The following ARHGEF28 variants were observed in gnomAD, a reference collection of about 807,000 sequenced individuals.
ARHGEF28 encodes Rho guanine nucleotide exchange factor 28.
ARHGEF28 carries 152 observed loss-of-function variants against 206.6 expected under a neutral mutation model. The observed-to-expected ratio is 0.74, with a 90% CI of 0.64 to 0.84. The LOEUF (loss-of-function observed/expected upper bound fraction) is 0.84. Among genes scored for constraint, ARHGEF28 ranks in the 40% least tolerant of loss-of-function variants. The pLI is 0.00. For synonymous variants in ARHGEF28, 763 were observed against 776.4 expected (o/e 0.98, Z 0.29); for missense variants, 2,028 against 2,073.2 (o/e 0.98, Z 0.42).
At chr5:73,728,504 T>C (rs762050061) in intron 2 of ARHGEF28, among the ~76,000 whole-genome samples, 2 of 152,214 alleles carry the variant, frequency 1.3e-5, no homozygotes, top group Non-Finnish European at 2.9e-5. Context: ...TAGAGAATAG[T>C]ACAGCAAGTA....
chr5:73,774,687 G>A (rs1269768332), intron 5 of ARHGEF28, among the ~76,000 whole-genome samples: 1 of 152,158 alleles, frequency 6.6e-6, no homozygotes, highest in African/African-American at 2.4e-5. Context: ...AGTGAATAAT[G>A]AGTGTATTGT....
At chr5:73,723,650 C>A (rs1750099204) in intron 2 of ARHGEF28, among the ~76,000 whole-genome samples, 1 of 152,156 alleles carries the variant, frequency 6.6e-6, no homozygotes, top group African/African-American at 2.4e-5. Flanking sequence ...AAAACCAGTT[C>A]CCCCATTAAG....
chr5:73,895,042 G>A (rs1472191777), intron 29 of ARHGEF28, among the ~76,000 whole-genome samples: 2 of 152,170 alleles, frequency 1.3e-5, no homozygotes, highest in Non-Finnish European at 2.9e-5. Flanking sequence ...AGCAGTGCAG[G>A]CGATGAGTCC....
chr5:73,686,783 C>G (rs1381087088), intron 2 of ARHGEF28, among the ~76,000 whole-genome samples: 1 of 151,952 alleles, frequency 6.6e-6, no homozygotes, highest in Admixed American at 6.6e-5. Flanking sequence ...CGGCCTCCCA[C>G]AGTGCTGGGA....
chr5:73,703,734 G>T (rs935494979), intron 2 of ARHGEF28, among the ~76,000 whole-genome samples: 5 of 151,432 alleles, frequency 3.3e-5, no homozygotes, highest in Non-Finnish European at 7.4e-5. Flanking sequence ...ACAAGTCTTG[G>T]TTGGTATAGA....
At chr5:73,703,647 TTGTG>T (rs56160198) in intron 2 of ARHGEF28, among the ~76,000 whole-genome samples, 8 of 139,594 alleles carry the variant, frequency 5.7e-5, no homozygotes, top group Admixed American at 1.4e-4. Context: ...TTTCCCAGCA[TTGTG>T]TGTGTGTGTG....
intron 9 of ARHGEF28, among the ~76,000 whole-genome samples, chr5:73,816,127 C>T (rs540368044): frequency 1.3e-5 from 2 of 152,050 alleles, no homozygotes; most frequent in East Asian, 1.9e-4. Flanking sequence ...TGGGGGGTGC[C>T]AGGCACTGTT....
rs1174282476 is a variant in ARHGEF28 at position 73,765,724 on chromosome 5, C to G, written c.476-8131C>G. The stretch of plus-strand genomic sequence containing the variant: ...CCTGGCAGATAATAATGGTCTCATT[C>G]AATGTTTGTCTACTGAATGACTTAG... On this transcript the variant is annotated intron_variant, in intron 4 of 35. Coordinates refer to ENST00000513042, the MANE Select transcript of ARHGEF28 (RefSeq NM_001177693.2). Among the ~76,000 whole-genome samples, 3 of 152,156 alleles carry G rather than the reference C, an allele frequency of 2.0e-5. No individual in the cohort carries two copies. The East Asian group carries it at 5.8e-4, about 29-fold the overall frequency.
intron 11 of ARHGEF28, among the ~76,000 whole-genome samples, chr5:73,843,034 C>G (rs1295776166): frequency 1.3e-5 from 2 of 150,266 alleles, no homozygotes; most frequent in Non-Finnish European, 3.0e-5. Flanking sequence ...GCCCCCAGAT[C>G]TCAAGAGATA....
intron 4 of ARHGEF28, among the ~76,000 whole-genome samples, chr5:73,767,382 C>T (rs1187581725): frequency 6.6e-6 from 1 of 152,128 alleles, no homozygotes; most frequent in Non-Finnish European, 1.5e-5. Context: ...AAGTTTGGAA[C>T]TTCCTAGAGA....
intron 35 of ARHGEF28, among the ~76,000 whole-genome samples, chr5:73,914,595 C>T (rs2111935808): frequency 6.6e-6 from 1 of 152,074 alleles, no homozygotes; most frequent in African/African-American, 2.4e-5. Flanking sequence ...CGGAGTTTCG[C>T]CAAGTTGTCC....
intron 1 of ARHGEF28, among the ~76,000 whole-genome samples, chr5:73,666,637 G>A (rs572059940): frequency 2.6e-5 from 4 of 152,302 alleles, no homozygotes; most frequent in African/African-American, 7.2e-5. Flanking sequence ...GTAGAATGAT[G>A]AGGTTCATAA....
rs539445051 is a variant in ARHGEF28, at chr5:73,679,444, G to A, written c.-11-5397G>A. On this transcript the variant is annotated intron_variant, in intron 1 of 35. Transcript: ENST00000513042. ...TAGCTGGGTGTGGTGACACACACCTGTAATCCCAGCCATTTGGGAGGCTGA... is the reference window on the plus strand; with the variant it reads ...TAGCTGGGTGTGGTGACACACACCTATAATCCCAGCCATTTGGGAGGCTGA... Among the ~76,000 whole-genome samples, 11 of 152,040 alleles carry A rather than the reference G, an allele frequency of 7.2e-5. No homozygotes were observed. The Middle Eastern group carries it at 0.01, about 141-fold the overall frequency.
intron 9 of ARHGEF28, among the ~76,000 whole-genome samples, chr5:73,814,560 A>G (rs1433846087): frequency 6.6e-6 from 1 of 152,088 alleles, no homozygotes; most frequent in East Asian, 1.9e-4. Context: ...TGTCTTGTGC[A>G]GGGACGCGTG....
At chr5:73,666,040 G>A (rs992566887) in intron 1 of ARHGEF28, among the ~76,000 whole-genome samples, 1 of 152,140 alleles carries the variant, frequency 6.6e-6, no homozygotes, top group African/African-American at 2.4e-5. Flanking sequence ...GTTCCTTCCA[G>A]TTGTGAGCAT....
rs1306390660 is a variant in ARHGEF28, at chr5:73,753,198, T to A, written c.471T>A (p.Leu157=). 3 of 1,519,228 alleles carry A rather than the reference T, an allele frequency of 2.0e-6. No individual in the cohort carries two copies. The allele number at this position is 1,519,228 out of a possible 1,614,324, so 94.1% of individuals were successfully genotyped here. The change falls in exon 4 of 36, where the codon CTT becomes CTA. Residue 157 remains leucine (L), a synonymous_variant. Coordinates refer to ENST00000513042, the MANE Select transcript of ARHGEF28 (RefSeq NM_001177693.2). ...GGACTGTGTTGGGAAGTTCTTCACT[T>A]GAAGGTGGGTCATCACCAGAAAATT... ...LEWTVLGSSS[L]EVSSHRESLL... is the part of the protein sequence containing the mutation.
In ARHGEF28 at chr5:73,776,546, C is replaced by T. The variant is rs375392755; in HGVS notation, c.690C>T (p.Ser230=). Residue 230 remains serine (S), a synonymous_variant, in exon 6 of 36, where the codon TCC becomes TCT. Coordinates refer to ENST00000513042, the MANE Select transcript of ARHGEF28 (RefSeq NM_001177693.2). The stretch of plus-strand genomic sequence containing the variant: ...AGGGCAGATGGTCCCCAAGCTTCTC[C>T]CGAGTGCAGCTCAGTGAAGAAGCCT... ...NFQGRWSPSF[S]RVQLSEEASL... The T allele has an allele frequency of 3.1e-6, 5 of 1,612,572 alleles. No individual in the cohort carries two copies. The African/African-American group carries it at 5.3e-5, about 17-fold the overall frequency.
At chr5:73,882,377 C>A in intron 22 of ARHGEF28, 95 bp from the exon 23 acceptor site, 1 of 882,786 alleles carries the variant, frequency 1.1e-6, no homozygotes. Context: ...TTTTTATTTG[C>A]AAATACTATT....
chr5:73,691,296 TACACACAC>T (rs57854737), intron 2 of ARHGEF28, among the ~76,000 whole-genome samples: 2 of 149,668 alleles, frequency 1.3e-5, no homozygotes, highest in African/African-American at 2.4e-5. Flanking sequence ...GGCAAATGTG[TACACACAC>T]ACACACACAC....
Sources: gnomAD v4.1 joint callset for allele counts (sites outside exome capture counted in the v4.1 genomes callset) on GRCh38, gnomAD v4.1.1 for gene constraint, MANE v1.5 for transcripts, NCBI Gene and HGNC (gene_info 2026-07-23, HGNC 2026-07-21) for gene names.